NTM: variants seen among roughly 807,000 people sequenced by gnomAD.
NTM encodes the protein IgLON family member 2.
Under a neutral mutation model 42.1 loss-of-function variants are expected in NTM, and 13 were observed. The ratio of observed to expected loss-of-function variants is 0.31; its 90% CI spans 0.20 to 0.49. NTM has a LOEUF of 0.49. Ranked by LOEUF, NTM falls within the 20% of genes least tolerant of loss-of-function variation. NTM has a pLI of 0.99. For synonymous variants in NTM, 187 were observed against 179.2 expected, an observed-to-expected ratio of 1.04 and a Z score of -0.35; for missense variants, 373 against 452.8, an observed-to-expected ratio of 0.82 and a Z score of 1.60.
At chr11:132,310,336 C>A in intron 6 of NTM, 104 bp downstream of exon 6, 1 of 1,193,382 alleles carries the variant, frequency 8.4e-7, no homozygotes, top group Non-Finnish European at 1.1e-6. Context: ...ATAAAATCCT[C>A]TTCTGAACTT....
At chr11:131,462,873 C>CACCTTCTCCCTAG (rs1951532058) in intron 1 of NTM, among the ~76,000 whole-genome samples, 1 of 152,036 alleles carries the variant, frequency 6.6e-6, no homozygotes. Flanking sequence ...GGTGGTCCAC[C>CACCTTCTCCCTAG]ATGGCTTGTG....
intron 1 of NTM, among the ~76,000 whole-genome samples, chr11:131,659,961 C>A (rs1296457186): frequency 6.6e-6 from 1 of 152,196 alleles, no homozygotes; most frequent in Non-Finnish European, 1.5e-5. Flanking sequence ...GACCCTGAAG[C>A]CAATTTTCCA....
At chr11:132,317,768 C>A in intron 7 of NTM, 2 of 818,206 alleles carry the variant, frequency 2.4e-6, no homozygotes, top group Non-Finnish European at 3.6e-6. Flanking sequence ...TGTGCATTAC[C>A]CGAAGCACTT....
chr11:131,932,623 G>A (rs1022533091), intron 2 of NTM, among the ~76,000 whole-genome samples: 5 of 152,204 alleles, frequency 3.3e-5, no homozygotes, highest in Admixed American at 2.0e-4. Context: ...TGCACAGAAA[G>A]CCTGTCTCTG....
At chr11:131,931,501 G>GTA (rs2058619600) in intron 2 of NTM, among the ~76,000 whole-genome samples, 1 of 150,966 alleles carries the variant, frequency 6.6e-6, no homozygotes, top group Non-Finnish European at 1.5e-5. Context: ...GTGTGTGTGT[G>GTA]TGTATGTGTG....
chr11:131,787,440 C>G (rs982944478), intron 1 of NTM, among the ~76,000 whole-genome samples: 1 of 151,120 alleles, frequency 6.6e-6, no homozygotes, highest in Non-Finnish European at 1.5e-5. Flanking sequence ...AGTGCAGTGG[C>G]ATGAGCTCGG....
At chr11:132,088,594 C>T (rs6590620) in intron 2 of NTM, among the ~76,000 whole-genome samples, 1 of 152,222 alleles carries the variant, frequency 6.6e-6, no homozygotes, top group East Asian at 1.9e-4. Context: ...AGAAGCCACG[C>T]TCTTCCCCAG....
At chr11:131,532,367 G>C (rs1241055995) in intron 1 of NTM, among the ~76,000 whole-genome samples, 3 of 152,182 alleles carry the variant, frequency 2.0e-5, no homozygotes, top group African/African-American at 7.2e-5. Flanking sequence ...AGGTTTTCAA[G>C]ATGTATCTAT....
At chr11:131,867,769 G>T (rs1359768566) in intron 1 of NTM, among the ~76,000 whole-genome samples, 1 of 152,156 alleles carries the variant, frequency 6.6e-6, no homozygotes, top group Admixed American at 6.5e-5. Context: ...TGTGTATGAT[G>T]CGGGCATGAG....
At chr11:132,126,093 C>T (rs1233023970) in intron 2 of NTM, among the ~76,000 whole-genome samples, 1 of 152,012 alleles carries the variant, frequency 6.6e-6, no homozygotes, top group Non-Finnish European at 1.5e-5. Flanking sequence ...ACTGAGTGGG[C>T]GCAAGGGTCT....
chr11:132,208,454 A>G (rs2082319141), intron 3 of NTM, among the ~76,000 whole-genome samples: 1 of 152,248 alleles, frequency 6.6e-6, no homozygotes, highest in Admixed American at 6.5e-5. Flanking sequence ...CAGAATTTAA[A>G]GGACAGCAAG....
rs1386016146 is a variant in NTM, at chr11:132,336,480, T to C, written c.*1334T>C. 2 of 152,398 alleles carry C rather than the reference T, an allele frequency of 1.3e-5. No homozygotes were observed. Among genetic ancestry groups the C allele is most frequent in the Non-Finnish European group, 2.9e-5 (2 of 68,022 alleles). 9.4% of individuals were successfully genotyped at this position (152,398 alleles called of 1,614,324 possible). A position where few individuals can be genotyped will look rare whatever the true frequency, so the allele number is the denominator to read the frequency against. ...CCCCAGGTGGCCCCGCTTTCTCCAT[T>C]CTGCCCTGTGGCGTTAACAGACAGC... On this transcript the variant is annotated 3_prime_UTR_variant, in exon 9 of 9. Coordinates refer to ENST00000683400, the MANE Select transcript of NTM (RefSeq NM_001352005.2).
At chr11:132,093,635 C>T (rs952654859) in intron 2 of NTM, among the ~76,000 whole-genome samples, 1 of 152,132 alleles carries the variant, frequency 6.6e-6, no homozygotes, top group Non-Finnish European at 1.5e-5. Flanking sequence ...TCTATCAGAG[C>T]AATTTCTTTC....
At position 132,039,803 on chromosome 11, in the gene NTM, C is replaced by G. The variant is rs547246867; in HGVS notation, c.168-106479C>G. Among the ~76,000 whole-genome samples, 19 of 151,248 alleles carry G rather than the reference C, an allele frequency of 1.3e-4. No individual in the cohort carries two copies. The East Asian group carries it at 1.7e-3, about 14-fold the overall frequency. On this transcript the variant is annotated intron_variant, in intron 2 of 8. Coordinates refer to ENST00000683400, the MANE Select transcript of NTM (RefSeq NM_001352005.2). ...ATTGCAGATGTAACCAAGTGACTTACTTTCTCTCTCTGCGGCGCAGTTTCC... is the reference window on the plus strand; with the variant it reads ...ATTGCAGATGTAACCAAGTGACTTAGTTTCTCTCTCTGCGGCGCAGTTTCC...
intron 3 of NTM, among the ~76,000 whole-genome samples, chr11:132,202,620 G>C (rs1320074068): frequency 6.6e-6 from 1 of 152,150 alleles, no homozygotes; most frequent in Non-Finnish European, 1.5e-5. Flanking sequence ...GGGCACTTAT[G>C]ATTACAGGTA....
At chr11:131,711,499 G>A (rs1592661455) in intron 1 of NTM, among the ~76,000 whole-genome samples, 2 of 152,244 alleles carry the variant, frequency 1.3e-5, no homozygotes, top group Admixed American at 1.3e-4. Context: ...TGGAGAGGAT[G>A]TGGAGAAATA....
At chr11:132,208,038 G>A (rs11222975) in intron 3 of NTM, among the ~76,000 whole-genome samples, 17,212 of 152,220 alleles carry the variant, frequency 0.11, 1,455 homozygotes, top group East Asian at 0.39. Flanking sequence ...AGTGATCAAT[G>A]AATATTGAAG....
intron 1 of NTM, among the ~76,000 whole-genome samples, chr11:131,402,502 A>C (rs1313487240): frequency 6.6e-6 from 1 of 152,024 alleles, no homozygotes; most frequent in Non-Finnish European, 1.5e-5. Context: ...AAACTAAGAG[A>C]AAAAAAGGAG....
intron 1 of NTM, among the ~76,000 whole-genome samples, chr11:131,694,539 C>T (rs889990585): frequency 4.6e-5 from 7 of 152,144 alleles, no homozygotes; most frequent in Non-Finnish European, 7.3e-5. Flanking sequence ...AGTGACATCC[C>T]TCTGGGTTCT....
Sources: gnomAD v4.1 joint callset for allele counts (sites outside exome capture counted in the v4.1 genomes callset) on GRCh38, gnomAD v4.1.1 for gene constraint, MANE v1.5 for transcripts, NCBI Gene and HGNC (gene_info 2026-07-23, HGNC 2026-07-21) for gene names.